Variants in CSGALNACT2 observed in about 807,000 individuals in gnomAD.
CSGALNACT2 encodes the protein beta 4 GalNAcT-2.
CSGALNACT2 carries 35 observed loss-of-function variants against 55.3 expected under a neutral mutation model. The observed-to-expected ratio is 0.63, with a 90% CI of 0.48 to 0.84. CSGALNACT2 has a LOEUF of 0.84. Among genes scored for constraint, CSGALNACT2 ranks in the 40% least tolerant of loss-of-function variants. The pLI, the probability that CSGALNACT2 is intolerant of heterozygous loss-of-function variation, is 0.00. For synonymous variants in CSGALNACT2, 196 were observed against 224.9 expected, an observed-to-expected ratio of 0.87 and a Z score of 1.15; for missense variants, 544 against 657.5, an observed-to-expected ratio of 0.83 and a Z score of 1.89.
At chr10:43,146,283 A>G (rs558780224) in intron 1 of CSGALNACT2, among the ~76,000 whole-genome samples, 57 of 152,314 alleles carry the variant, frequency 3.7e-4, no homozygotes, top group Non-Finnish European at 6.0e-4. Flanking sequence ...TGTAAGTCCA[A>G]GAGTCCAAAA....
At chr10:43,156,756 T>G (rs1419350202) in intron 2 of CSGALNACT2, among the ~76,000 whole-genome samples, 2 of 152,220 alleles carry the variant, frequency 1.3e-5, no homozygotes, top group African/African-American at 4.8e-5. Context: ...TTGCTCTACT[T>G]TGAGAATCCA....
intron 4 of CSGALNACT2, chr10:43,162,148 T>C: frequency 1.9e-6 from 1 of 519,036 alleles, no homozygotes; most frequent in South Asian, 1.4e-5. Flanking sequence ...ATCAAAATTC[T>C]CGTCTCCTTG....
chr10:43,174,054 T>TAA (rs1839433842), intron 6 of CSGALNACT2, among the ~76,000 whole-genome samples: 3 of 152,152 alleles, frequency 2.0e-5, no homozygotes, highest in Non-Finnish European at 4.4e-5. Context: ...TCTCTCTATA[T>TAA]ATTTATTTAT....
intron 6 of CSGALNACT2, among the ~76,000 whole-genome samples, chr10:43,175,269 A>G (rs1839456575): frequency 6.6e-6 from 1 of 152,250 alleles, no homozygotes; most frequent in Non-Finnish European, 1.5e-5. Context: ...TTACTAAAGC[A>G]GGCAGCAGGC....
rs1024096259 is a variant in CSGALNACT2 at position 43,185,090 on chromosome 10, C to G, written c.*1548C>G. ...TTATTATAATTATTTATTATGAAGA[C>G]CAGTGAATTACGATATTTAAAGTGA... On this transcript the variant is annotated 3_prime_UTR_variant, in exon 8 of 8. Coordinates refer to ENST00000374466, the MANE Select transcript of CSGALNACT2 (RefSeq NM_018590.5). 6 of 151,828 alleles carry G rather than the reference C, an allele frequency of 4.0e-5. No individual in the cohort carries two copies. The highest frequency in any genetic ancestry group is 1.5e-4 in the African/African-American group (6 of 41,326). 9.4% of individuals were successfully genotyped at this position (151,828 alleles called of 1,614,324 possible).
intron 6 of CSGALNACT2, among the ~76,000 whole-genome samples, chr10:43,170,198 T>C (rs542923153): frequency 3.9e-5 from 6 of 152,362 alleles, no homozygotes; most frequent in South Asian, 2.1e-4. Context: ...GGTATACTTA[T>C]GTGTATTACC....
In CSGALNACT2 at chr10:43,167,763, A is replaced by C. The variant is rs975732483; in HGVS notation, c.1254+665A>C. Among the ~76,000 whole-genome samples the C allele has an allele frequency of 4.6e-5, 7 of 152,224 alleles. No individual in the cohort carries two copies. In the South Asian group the frequency reaches 1.4e-3, roughly 32 times the overall value. ...TAGGATTACACCAGTTTTTCTACTA[A>C]TGTCCTTTTTCTGTTTCAGAATCGA... is the stretch of plus-strand genomic sequence containing the variant. On this transcript the variant is annotated intron_variant, in intron 6 of 7. Transcript: ENST00000374466.
rs1422098451 is a variant in CSGALNACT2, at chr10:43,155,552, A to C, written c.403A>C (p.Ile135Leu). The C allele has an allele frequency of 6.2e-7, 1 of 1,614,138 alleles. No individual in the cohort carries two copies. Among genetic ancestry groups the C allele is most frequent in the Non-Finnish European group, 8.5e-7 (1 of 1,180,048 alleles). ...CCAAATTGACAAAGCTGAAGTTAGC[A>C]TAGGGGCCAAACTACCCAGTGAGTA... ...HSQIDKAEVS[I>L]GAKLPSEYGV... Residue 135 changes from isoleucine (I) to leucine (L), a missense_variant, in exon 2 of 8, where the codon ATA (isoleucine) becomes CTA (leucine). This residue lies in a region of CSGALNACT2 where 374 missense variants were observed against 401.3 expected (regional missense o/e 0.93). Transcript: ENST00000374466.
intron 4 of CSGALNACT2, chr10:43,163,022 C>G: frequency 1.0e-6 from 1 of 985,246 alleles, no homozygotes; most frequent in Non-Finnish European, 1.2e-6. Context: ...TCTCACTGTT[C>G]CCATTTTAGG....
chr10:43,179,250 T>G (rs1046857091), intron 7 of CSGALNACT2, among the ~76,000 whole-genome samples: 1 of 124,114 alleles, frequency 8.1e-6, no homozygotes, highest in African/African-American at 3.0e-5. Context: ...TGCTTGCCGG[T>G]TTTTTTTTTT....
In CSGALNACT2 at chr10:43,176,164, G is replaced by A. The variant is rs549390508; in HGVS notation, c.1336+132G>A. 69 of 585,390 alleles carry A rather than the reference G, an allele frequency of 1.2e-4. No individual in the cohort carries two copies. In the South Asian group the frequency reaches 2.0e-3, roughly 17 times the overall value. The allele number at this position is 585,390 out of a possible 1,614,324, so 36.3% of individuals were successfully genotyped here. On this transcript the variant is annotated intron_variant, in intron 7 of 7. Coordinates refer to ENST00000374466, the MANE Select transcript of CSGALNACT2 (RefSeq NM_018590.5). ...CTAAGGTTAGCTAAAAAGAGAAACTGGATATACAAAAGGCAAAATAAGTTT... is the reference window on the plus strand; with the variant it reads ...CTAAGGTTAGCTAAAAAGAGAAACTAGATATACAAAAGGCAAAATAAGTTT...
chr10:43,173,463 A>T (rs866731946), intron 6 of CSGALNACT2, among the ~76,000 whole-genome samples: 1 of 152,246 alleles, frequency 6.6e-6, no homozygotes, highest in Non-Finnish European at 1.5e-5. Context: ...AATATTAACA[A>T]TAAGGATTAT....
In CSGALNACT2 at chr10:43,173,330, C is replaced by T. The variant is rs1332063125; in HGVS notation, c.1255-2621C>T. 3.9e-5 allele frequency among the ~76,000 whole-genome samples: 6 copies of T among 152,158 alleles called. No individual in the cohort carries two copies. The South Asian group carries it at 1.2e-3, about 32-fold the overall frequency. On this transcript the variant is annotated intron_variant, in intron 6 of 7. Transcript: ENST00000374466. ...TTATCAGACATCCAAGGGGAGGTGC[C>T]AAATTGCTAGTTGGCTACAGGGATC...
At chr10:43,147,159 TAG>T (rs1838774289) in intron 1 of CSGALNACT2, among the ~76,000 whole-genome samples, 1 of 151,082 alleles carries the variant, frequency 6.6e-6, no homozygotes, top group Non-Finnish European at 1.5e-5. Flanking sequence ...GTATTTTTAG[TAG>T]AGACGGGGTT....
At chr10:43,150,568 T>C (rs1286792008) in intron 1 of CSGALNACT2, among the ~76,000 whole-genome samples, 1 of 152,242 alleles carries the variant, frequency 6.6e-6, no homozygotes, top group Non-Finnish European at 1.5e-5. Context: ...CTTTCAGTTT[T>C]CAAAGAGTAA....
At chr10:43,143,493 A>ATGTGTGTGTGTG (rs3983257) in intron 1 of CSGALNACT2, among the ~76,000 whole-genome samples, 72 of 141,972 alleles carry the variant, frequency 5.1e-4, no homozygotes, top group Non-Finnish European at 7.1e-4. Context: ...CTCTCCAAAA[A>ATGTGTGTGTGTG]TGTGTGTGTG....
chr10:43,138,975 C>T (rs557609328), intron 1 of CSGALNACT2, among the ~76,000 whole-genome samples: 2 of 151,964 alleles, frequency 1.3e-5, no homozygotes, highest in East Asian at 3.9e-4. Context: ...CTCAGTGGGG[C>T]GGAGGAGATG....
chr10:43,154,175 G>A (rs146369046), intron 1 of CSGALNACT2, among the ~76,000 whole-genome samples: 2,300 of 152,240 alleles, frequency 0.015, 27 homozygotes, highest in Non-Finnish European at 0.024. Flanking sequence ...CCAGTAAACC[G>A]TTATTACTGT....
intron 1 of CSGALNACT2, among the ~76,000 whole-genome samples, chr10:43,144,611 T>C (rs993931585): frequency 6.6e-6 from 1 of 152,214 alleles, no homozygotes; most frequent in Non-Finnish European, 1.5e-5. Context: ...GCACTGCTAC[T>C]GAATCTGACT....
Sources: gnomAD v4.1 joint callset for allele counts (sites outside exome capture counted in the v4.1 genomes callset) on GRCh38, gnomAD v4.1.1 for gene constraint, gnomAD v4.1.1 regional missense constraint, MANE v1.5 for transcripts, NCBI Gene and HGNC (gene_info 2026-07-23, HGNC 2026-07-21) for gene names.